PRKG1: variants seen among roughly 807,000 people sequenced by gnomAD.
PRKG1 encodes cGMP-dependent protein kinase 1.
A neutral mutation model predicts 88.1 loss-of-function variants in PRKG1; 35 were observed. The observed-to-expected ratio is 0.40, with a 90% CI of 0.30 to 0.53. The LOEUF (loss-of-function observed/expected upper bound fraction) is 0.53. PRKG1 is among the 20% of genes least tolerant of loss of function. PRKG1 has a pLI of 0.59. For missense variants in PRKG1, 540 were observed against 839.8 expected, an observed-to-expected ratio of 0.64 and a Z score of 4.41; for synonymous variants, 303 against 292.5, an observed-to-expected ratio of 1.04 and a Z score of -0.37.
At chr10:50,992,086 C>T (rs1171088425) in intron 1 of PRKG1, among the ~76,000 whole-genome samples, 2 of 152,024 alleles carry the variant, frequency 1.3e-5, no homozygotes, top group African/African-American at 4.8e-5. Flanking sequence ...TGGACATGCT[C>T]AGTGGGGCTG....
chr10:51,920,244 T>C (rs1842434714), intron 5 of PRKG1, among the ~76,000 whole-genome samples: 1 of 152,152 alleles, frequency 6.6e-6, no homozygotes, highest in African/African-American at 2.4e-5. Flanking sequence ...CCTTCTCCTT[T>C]CCCTATCCAT....
At chr10:51,770,034 A>G (rs1838263859) in intron 3 of PRKG1, among the ~76,000 whole-genome samples, 1 of 152,200 alleles carries the variant, frequency 6.6e-6, no homozygotes, top group Non-Finnish European at 1.5e-5. Context: ...TGTCTGTACG[A>G]CAGTTTCATC....
At chr10:51,006,024 G>T (rs929588634) in intron 1 of PRKG1, among the ~76,000 whole-genome samples, 2 of 152,194 alleles carry the variant, frequency 1.3e-5, no homozygotes. Context: ...AACTCTGAAG[G>T]CTGGAGGGGG....
chr10:52,149,677 C>T (rs1347840256), intron 8 of PRKG1, among the ~76,000 whole-genome samples: 8 of 152,112 alleles, frequency 5.3e-5, no homozygotes, highest in South Asian at 2.1e-4. Flanking sequence ...GCTCCTTGAT[C>T]GTGGACTTCC....
chr10:51,870,264 G>C (rs1841122445), intron 4 of PRKG1, among the ~76,000 whole-genome samples: 1 of 152,026 alleles, frequency 6.6e-6, no homozygotes, highest in South Asian at 2.1e-4. Flanking sequence ...ATGTGAATTG[G>C]TTGATTTTTA....
intron 1 of PRKG1, among the ~76,000 whole-genome samples, chr10:51,043,949 A>G (rs910397012): frequency 2.0e-5 from 3 of 152,302 alleles, no homozygotes; most frequent in South Asian, 2.1e-4. Context: ...ACTTTTCTCT[A>G]TACCAAACCT....
At chr10:51,053,934 A>G (rs1012985080) in intron 1 of PRKG1, among the ~76,000 whole-genome samples, 7 of 152,170 alleles carry the variant, frequency 4.6e-5, no homozygotes, top group African/African-American at 1.7e-4. Context: ...GTACTGTTTT[A>G]TGTTGAGTCC....
At position 51,170,254 on chromosome 10, in the gene PRKG1, A is replaced by G. The variant is rs148631009; in HGVS notation, c.478+16924A>G. Among the ~76,000 whole-genome samples, 782 of 152,204 alleles carry G rather than the reference A, an allele frequency of 5.1e-3. 9 individuals are homozygous for G. The highest frequency in any genetic ancestry group is 0.017 in the African/African-American group (714 of 41,534). On this transcript the variant is annotated intron_variant, in intron 2 of 17. Transcript: ENST00000373980. ...ATGGTGCTTATATTTTAATGAGGAA[A>G]ATACATAACTTAAAAAGTAAACAAA...
chr10:52,191,907 T>C (rs1342775069), intron 9 of PRKG1, among the ~76,000 whole-genome samples: 1 of 152,204 alleles, frequency 6.6e-6, no homozygotes, highest in Non-Finnish European at 1.5e-5. Context: ...GGAATTCTTC[T>C]CTGAAAAGCT....
At chr10:52,093,689 ATC>A (rs1847108388) in intron 7 of PRKG1, among the ~76,000 whole-genome samples, 1 of 152,188 alleles carries the variant, frequency 6.6e-6, no homozygotes, top group Non-Finnish European at 1.5e-5. Flanking sequence ...TATGCAAATA[ATC>A]ACCTCTGTTT....
chr10:51,004,282 G>A (rs1159629840), intron 1 of PRKG1, among the ~76,000 whole-genome samples: 1 of 152,074 alleles, frequency 6.6e-6, no homozygotes, highest in African/African-American at 2.4e-5. Flanking sequence ...TCACCAACAT[G>A]GAGAAACCCC....
At chr10:51,534,899 T>C (rs887060809) in intron 3 of PRKG1, among the ~76,000 whole-genome samples, 1 of 152,180 alleles carries the variant, frequency 6.6e-6, no homozygotes, top group African/African-American at 2.4e-5. Flanking sequence ...TTGAATGGTA[T>C]ATTGCTCACT....
intron 3 of PRKG1, among the ~76,000 whole-genome samples, chr10:51,677,788 T>A (rs1840747892): frequency 6.6e-6 from 1 of 152,192 alleles, no homozygotes; most frequent in Non-Finnish European, 1.5e-5. Context: ...AAAAATGACC[T>A]CAAGGTTTTT....
chr10:51,484,661 C>A (rs966670637), intron 3 of PRKG1, among the ~76,000 whole-genome samples: 1 of 152,160 alleles, frequency 6.6e-6, no homozygotes, highest in Admixed American at 6.5e-5. Context: ...TCCAAGCCCC[C>A]ACGTGAGACT....
intron 5 of PRKG1, among the ~76,000 whole-genome samples, chr10:51,942,116 G>C (rs1302175829): frequency 6.6e-6 from 1 of 151,834 alleles, no homozygotes; most frequent in Non-Finnish European, 1.5e-5. Context: ...AGCACCTGTT[G>C]TTTCCTGACT....
intron 5 of PRKG1, among the ~76,000 whole-genome samples, chr10:51,932,127 A>T (rs2133006732): frequency 6.6e-6 from 1 of 151,686 alleles, no homozygotes; most frequent in East Asian, 1.9e-4. Flanking sequence ...ATTCTGCTTT[A>T]TTCCTTACCT....
At chr10:51,542,039 T>C (rs1040498715) in intron 3 of PRKG1, among the ~76,000 whole-genome samples, 1 of 152,082 alleles carries the variant, frequency 6.6e-6, no homozygotes, top group Non-Finnish European at 1.5e-5. Flanking sequence ...AGGCTCTTCA[T>C]TAGTAACTAC....
At chr10:51,130,260 A>G (rs959401451) in intron 1 of PRKG1, among the ~76,000 whole-genome samples, 23 of 152,150 alleles carry the variant, frequency 1.5e-4, no homozygotes, top group African/African-American at 5.3e-4. Flanking sequence ...ATATTTTCCC[A>G]GCCTCTATTC....
At chr10:51,684,622 C>T (rs149038242) in intron 3 of PRKG1, among the ~76,000 whole-genome samples, 13 of 152,162 alleles carry the variant, frequency 8.5e-5, no homozygotes, top group African/African-American at 3.1e-4. Flanking sequence ...GTAATCCCAG[C>T]ACTTTGGGAG....
Sources: gnomAD v4.1 joint callset for allele counts (sites outside exome capture counted in the v4.1 genomes callset) on GRCh38, gnomAD v4.1.1 for gene constraint, MANE v1.5 for transcripts, NCBI Gene and HGNC (gene_info 2026-07-23, HGNC 2026-07-21) for gene names.